Variants in HYDIN observed in about 807,000 individuals in gnomAD.
The protein encoded by HYDIN is HYDIN axonemal central pair apparatus protein.
In HYDIN, 132 loss-of-function variants were observed where a neutral mutation model predicts 403.9. The ratio of observed to expected loss-of-function variants is 0.33; its 90% CI spans 0.28 to 0.38. HYDIN has a LOEUF of 0.38. Among genes scored for constraint, HYDIN ranks in the 10% least tolerant of loss-of-function variants. The pLI is 1.00. For missense variants in HYDIN, 2,827 were observed against 5,009.5 expected (o/e 0.56, Z 13.15); for synonymous variants, 1,202 against 1,891.7 (o/e 0.64, Z 9.46).
rs748365700 is a variant in HYDIN at position 70,955,405 on chromosome 16, C to G, written c.6286G>C (p.Glu2096Gln). The G allele has an allele frequency of 9.3e-6, 15 of 1,613,642 alleles. No individual in the cohort carries two copies. Among genetic ancestry groups the G allele is most frequent in the Non-Finnish European group, 1.2e-5 (14 of 1,179,806 alleles). Reference sequence around the variant, plus strand: ...TCCTCTCCTTCCTTCACGGACTGCTCTATGGCAGCCCTGATGCAGAGCTCA... The same window carrying G: ...TCCTCTCCTTCCTTCACGGACTGCTGTATGGCAGCCCTGATGCAGAGCTCA... ...ARELCIRAAI[E>Q]QSVKEGEEAA... The change falls in exon 40 of 86, where the codon GAG becomes CAG. Residue 2096 changes from glutamate to glutamine, a missense_variant. Glu to Gln is a conservative substitution (Grantham distance 29). Transcript: ENST00000393567.
Position 71,199,373 on chromosome 16 carries a change from TGGGGGTTCACTA to T in HYDIN, c.-23-12467_-23-12456del, listed in dbSNP as rs1260460093. ...CCTTTGAAATAGAAACCCAAAGAGA[TGGGGGTTCACTA>T]GGCTCCCTCTATCCTTGGCAGGCTC... On this transcript the variant is annotated intron_variant, in intron 1 of 85. Coordinates refer to ENST00000393567, the MANE Select transcript of HYDIN (RefSeq NM_001270974.2). Among the ~76,000 whole-genome samples, 9 of 152,278 alleles carry T rather than the reference TGGGGGTTCACTA, an allele frequency of 5.9e-5. No homozygotes were observed. In the East Asian group the frequency reaches 1.7e-3, roughly 29 times the overall value.
intron 28 of HYDIN, 59 bp from the exon 29 acceptor site, chr16:70,981,627 C>T (rs1437807984): frequency 1.4e-6 from 2 of 1,476,584 alleles, no homozygotes; most frequent in Admixed American, 4.4e-5. Flanking sequence ...AGGTTCAACT[C>T]ATTAAATTAC....
chr16:70,966,759 T>C (rs1597433923), intron 36 of HYDIN, among the ~76,000 whole-genome samples: 1 of 152,196 alleles, frequency 6.6e-6, no homozygotes, highest in Non-Finnish European at 1.5e-5. Context: ...TCAGAGAATG[T>C]CATTCCCATG....
At chr16:70,969,111 T>G (rs2078667158) in intron 36 of HYDIN, among the ~76,000 whole-genome samples, 1 of 151,318 alleles carries the variant, frequency 6.6e-6, no homozygotes, top group African/African-American at 2.4e-5. Flanking sequence ...AAAATAGACT[T>G]AAAAAAAAGA....
intron 23 of HYDIN, among the ~76,000 whole-genome samples, chr16:71,002,017 C>T (rs1471580151): frequency 2.0e-5 from 3 of 152,186 alleles, no homozygotes; most frequent in African/African-American, 4.8e-5. Context: ...CTGTGAAATA[C>T]CTGCTCATTC....
chr16:70,945,014 A>G (rs1207392042), intron 41 of HYDIN, among the ~76,000 whole-genome samples: 1 of 152,202 alleles, frequency 6.6e-6, no homozygotes, highest in East Asian at 1.9e-4. Flanking sequence ...CGGCCTCCCA[A>G]AGTGCTGGGA....
At position 70,883,913 on chromosome 16, in the gene HYDIN, T is replaced by C. The variant is rs1264847336; in HGVS notation, c.9979+7A>G. 1.4e-5 allele frequency: 23 copies of C among 1,612,930 alleles called. No individual in the cohort carries two copies. The highest frequency in any genetic ancestry group is 1.9e-5 in the Non-Finnish European group (23 of 1,179,820). ...AAGTGGTGCTGTCCAATGTGAGTGG[T>C]CAGTACCTGGTAGACAGGCTTCAGC... On this transcript the variant is annotated splice_region_variant and intron_variant, in intron 59 of 85. Transcript: ENST00000393567.
intron 25 of HYDIN, among the ~76,000 whole-genome samples, chr16:70,989,503 A>G: frequency 6.6e-6 from 1 of 152,188 alleles, no homozygotes; most frequent in Non-Finnish European, 1.5e-5. Flanking sequence ...TATACTGTAG[A>G]TAAATATTAT....
chr16:70,913,252 C>T (rs2076744313), intron 47 of HYDIN, among the ~76,000 whole-genome samples: 1 of 151,972 alleles, frequency 6.6e-6, no homozygotes, highest in African/African-American at 2.4e-5. Flanking sequence ...CTCTTTCAGT[C>T]TTTTTGATGT....
rs1301648604 is a variant in HYDIN, at chr16:70,862,067, C to T, written c.11758G>A (p.Glu3920Lys). The T allele has an allele frequency of 1.3e-5, 21 of 1,594,610 alleles. No individual in the cohort carries two copies. The African/African-American group carries it at 1.6e-4, about 12-fold the overall frequency. Reference sequence around the variant, plus strand: ...TCTTACTGGCAGAAAAGGTTGCTCTCGAAGTCTCCAATGTCCAACGGGGAG... The same window carrying T: ...TCTTACTGGCAGAAAAGGTTGCTCTTGAAGTCTCCAATGTCCAACGGGGAG... ...KFSPLDIGDF[E>K]SNLFCQIPNL... Residue 3920 changes from glutamate to lysine, a missense_variant, in exon 69 of 86, where the codon GAG (glutamate) becomes AAG (lysine). Coordinates refer to ENST00000393567, the MANE Select transcript of HYDIN (RefSeq NM_001270974.2).
At chr16:70,927,759 G>C in intron 45 of HYDIN, among the ~76,000 whole-genome samples, 1 of 152,216 alleles carries the variant, frequency 6.6e-6, no homozygotes, top group South Asian at 2.1e-4. Context: ...GCACAATCAT[G>C]CCGACAGCCG....
intron 14 of HYDIN, among the ~76,000 whole-genome samples, chr16:71,068,901 TC>T (rs1453232627): frequency 1.3e-5 from 2 of 152,244 alleles, no homozygotes; most frequent in African/African-American, 4.8e-5. Context: ...TTTATTGCTA[TC>T]TAAAGGATCT....
chr16:70,880,816 C>T (rs927562068), intron 60 of HYDIN, among the ~76,000 whole-genome samples: 1 of 152,214 alleles, frequency 6.6e-6, no homozygotes, highest in Non-Finnish European at 1.5e-5. Context: ...TGTTCTTAAA[C>T]TGAGGGCACT....
intron 23 of HYDIN, among the ~76,000 whole-genome samples, chr16:71,015,621 ACCGGCTG>A (rs1306414589): frequency 6.6e-6 from 1 of 151,968 alleles, no homozygotes; most frequent in Non-Finnish European, 1.5e-5. Flanking sequence ...CAGGCCCAGG[ACCGGCTG>A]CCGGCTTCAG....
intron 79 of HYDIN, 124 bp from the exon 80 acceptor site, chr16:70,833,191 T>C: frequency 3.7e-6 from 3 of 816,618 alleles, no homozygotes; most frequent in Non-Finnish European, 5.5e-6. Context: ...TCCTAGCACC[T>C]AGGAGGAGAA....
chr16:71,211,271 A>G (rs887935770), intron 1 of HYDIN, among the ~76,000 whole-genome samples: 4 of 152,226 alleles, frequency 2.6e-5, no homozygotes, highest in African/African-American at 9.6e-5. Context: ...TAAACTGTCC[A>G]GAGAACTTCA....
intron 47 of HYDIN, among the ~76,000 whole-genome samples, chr16:70,916,667 C>A (rs2076849024): frequency 6.6e-6 from 1 of 152,192 alleles, no homozygotes; most frequent in Non-Finnish European, 1.5e-5. Flanking sequence ...TCCTGTCTGC[C>A]ATGATCTGTT....
intron 80 of HYDIN, among the ~76,000 whole-genome samples, chr16:70,831,434 G>T (rs1302711686): frequency 6.8e-6 from 1 of 147,030 alleles, no homozygotes; most frequent in Admixed American, 6.8e-5. Flanking sequence ...GCTTGAATCT[G>T]GGAGGCAGAG....
chr16:70,820,187 C>T (rs868152261), intron 83 of HYDIN, among the ~76,000 whole-genome samples: 12 of 91,810 alleles, frequency 1.3e-4, no homozygotes, highest in South Asian at 3.8e-4. Context: ...TTTCTTTTTT[C>T]TTTTTTTTTT....
Sources: allele counts gnomAD v4.1 joint callset (sites outside exome capture counted in the v4.1 genomes callset), GRCh38; gene constraint gnomAD v4.1.1; transcripts MANE v1.5; gene names NCBI Gene and HGNC (gene_info 2026-07-23, HGNC 2026-07-21).